Variants in ZSWIM3 observed in about 807,000 individuals in gnomAD.
ZSWIM3 encodes zinc finger SWIM-type containing 3, also known as zinc finger SWIM domain-containing protein 3.
In ZSWIM3, 27 loss-of-function variants were observed where a neutral mutation model predicts 47.5. The ratio of observed to expected loss-of-function variants is 0.57; its 90% CI spans 0.42 to 0.78. The LOEUF (loss-of-function observed/expected upper bound fraction) is 0.78. Ranked by LOEUF, ZSWIM3 falls within the 30% of genes least tolerant of loss-of-function variation. The pLI, the probability that ZSWIM3 is intolerant of heterozygous loss-of-function variation, is 0.00. For missense variants in ZSWIM3, 689 were observed against 861.3 expected (o/e 0.80, Z 2.50); for synonymous variants, 333 against 333.9 (o/e 1.00, Z 0.03).
In ZSWIM3 at chr20:45,878,576, G is replaced by C; in HGVS notation, c.2018G>C (p.Arg673Pro). The C allele has an allele frequency of 1.9e-6, 3 of 1,613,990 alleles. No homozygotes were observed. Among genetic ancestry groups the C allele is most frequent in the Non-Finnish European group, 2.5e-6 (3 of 1,179,984 alleles). The change falls in exon 2 of 2, where the codon CGC becomes CCC. Residue 673 changes from arginine to proline, a missense_variant. Arg to Pro is a moderately radical substitution (Grantham distance 103). Coordinates refer to ENST00000255152, the MANE Select transcript of ZSWIM3 (RefSeq NM_080752.4). ...CCAGGAGACTTTAAGGACGTGGGCC[G>C]CCTCCCTTTCCTCTGGGGAAAGCAA... ...QQPGDFKDVG[R>P]LPFLWGKQEE...
intron 1 of ZSWIM3, among the ~76,000 whole-genome samples, chr20:45,866,663 G>A (rs1026506263): frequency 2.6e-5 from 4 of 152,152 alleles, no homozygotes; most frequent in African/African-American, 4.8e-5. Flanking sequence ...TTAACTGGTC[G>A]TGGTGACATG....
rs1348181453 is a variant in ZSWIM3 at position 45,876,662 on chromosome 20, A to G, written c.156-52A>G. Reference sequence around the variant, plus strand: ...CCCCCTTCAGGGTCTTATCTTTATAAGGGGTGGGGGGTGGTCAGCACCTTT... The same window carrying G: ...CCCCCTTCAGGGTCTTATCTTTATAGGGGGTGGGGGGTGGTCAGCACCTTT... On this transcript the variant is annotated intron_variant, in intron 1 of 1. Transcript: ENST00000255152. The G allele has an allele frequency of 3.3e-5, 52 of 1,561,498 alleles. 1 individual carries two copies. In the Admixed American group the frequency reaches 8.3e-4, roughly 25 times the overall value.
intron 1 of ZSWIM3, among the ~76,000 whole-genome samples, chr20:45,871,210 T>C (rs1400291): frequency 0.017 from 2,551 of 152,284 alleles, 73 homozygotes; most frequent in African/African-American, 0.058. Flanking sequence ...CCCTTCAAGA[T>C]GGGGACATGG....
At chr20:45,858,665 GC>G (rs1364834981) in intron 1 of ZSWIM3, among the ~76,000 whole-genome samples, 1 of 152,196 alleles carries the variant, frequency 6.6e-6, no homozygotes, top group Non-Finnish European at 1.5e-5. Context: ...GAGCCACTAT[GC>G]CTGGTCTATT....
chr20:45,862,619 G>A (rs1985737614), intron 1 of ZSWIM3, among the ~76,000 whole-genome samples: 1 of 152,074 alleles, frequency 6.6e-6, no homozygotes, highest in Admixed American at 6.6e-5. Context: ...AGCCTCCCAA[G>A]GAGCTGAGAC....
intron 1 of ZSWIM3, among the ~76,000 whole-genome samples, chr20:45,862,183 C>T (rs1218216461): frequency 6.8e-6 from 1 of 147,704 alleles, no homozygotes; most frequent in African/African-American, 2.5e-5. Context: ...GAGTTTCGCT[C>T]TGTCGCCAGG....
chr20:45,866,061 T>G (rs1036473823), intron 1 of ZSWIM3, among the ~76,000 whole-genome samples: 1 of 151,466 alleles, frequency 6.6e-6, no homozygotes. Context: ...TCCCAGCACT[T>G]GGGAGGCCAA....
At chr20:45,867,090 T>C (rs1394858359) in intron 1 of ZSWIM3, among the ~76,000 whole-genome samples, 2 of 141,158 alleles carry the variant, frequency 1.4e-5, no homozygotes, top group Non-Finnish European at 3.0e-5. Context: ...CACTGCAACC[T>C]CCGCCTTCCG....
chr20:45,862,184 T>C (rs1021153423), intron 1 of ZSWIM3, among the ~76,000 whole-genome samples: 107 of 150,950 alleles, frequency 7.1e-4, no homozygotes, highest in African/African-American at 2.6e-3. Context: ...AGTTTCGCTC[T>C]GTCGCCAGGC....
At position 45,857,638 on chromosome 20, in the gene ZSWIM3, C is replaced by T. The variant is rs1183447538; in HGVS notation, c.-188C>T. 2 of 722,016 alleles carry T rather than the reference C, an allele frequency of 2.8e-6. No homozygotes were observed. The highest frequency in any genetic ancestry group is 1.8e-5 in the South Asian group (1 of 56,608). The allele number at this position is 722,016 out of a possible 1,614,324, so 44.7% of individuals were successfully genotyped here. A position where few individuals can be genotyped will look rare whatever the true frequency, so the allele number is the denominator to read the frequency against. On this transcript the variant is annotated 5_prime_UTR_variant, in exon 1 of 2. Coordinates refer to ENST00000255152, the MANE Select transcript of ZSWIM3 (RefSeq NM_080752.4). ...TGTCAGATAGCAAATACACCCCCTTCCTCTTGTAACCCGGTCAGGCCTAGG... is the reference window on the plus strand; with the variant it reads ...TGTCAGATAGCAAATACACCCCCTTTCTCTTGTAACCCGGTCAGGCCTAGG...
At chr20:45,872,537 C>T (rs1328592316) in intron 1 of ZSWIM3, 5 of 182,638 alleles carry the variant, frequency 2.7e-5, no homozygotes, top group African/African-American at 9.5e-5. Flanking sequence ...AATGGGTGCA[C>T]GTAGTCCTGA....
intron 1 of ZSWIM3, among the ~76,000 whole-genome samples, chr20:45,869,316 C>A (rs1027407761): frequency 6.6e-6 from 1 of 151,252 alleles, no homozygotes; most frequent in Admixed American, 6.6e-5. Flanking sequence ...GCCCGGAGTT[C>A]AAAACCAGCC....
Position 45,877,028 on chromosome 20 carries a change from T to C in ZSWIM3, c.470T>C (p.Val157Ala), listed in dbSNP as rs1986113651. 4 of 1,614,028 alleles carry C rather than the reference T, an allele frequency of 2.5e-6. No individual in the cohort carries two copies. Among genetic ancestry groups the C allele is most frequent in the Non-Finnish European group, 3.4e-6 (4 of 1,180,036 alleles). The change falls in exon 2 of 2, where the codon GTG becomes GCG. Residue 157 changes from valine to alanine, a missense_variant. Coordinates refer to ENST00000255152, the MANE Select transcript of ZSWIM3 (RefSeq NM_080752.4). ...TCGTTTTGCCTAGATAAGGTACAAG[T>C]GTCCTCAAAGCCAGAGCAGGAAGGC... ...EPSFCLDKVQ[V>A]SSKPEQEGIT...
In ZSWIM3 at chr20:45,877,467, C is replaced by G. The variant is rs1030265728; in HGVS notation, c.909C>G (p.Ile303Met). 1 of 1,614,082 alleles carries G rather than the reference C, an allele frequency of 6.2e-7. No individual in the cohort carries two copies. The highest frequency in any genetic ancestry group is 1.3e-5 in the African/African-American group (1 of 74,926). The change falls in exon 2 of 2, where the codon ATC becomes ATG. Residue 303 changes from isoleucine to methionine, a missense_variant. By Grantham distance (10) the Ile-to-Met change is conservative. Transcript: ENST00000255152. ...ILQEIFPAARILLSIYHTTRL... is the reference protein window; with the variant it reads ...ILQEIFPAARMLLSIYHTTRL... Reference sequence around the variant, plus strand: ...AGGAGATCTTTCCTGCTGCCCGCATCCTCCTTTCCATCTACCACACAACCC... The same window carrying G: ...AGGAGATCTTTCCTGCTGCCCGCATGCTCCTTTCCATCTACCACACAACCC...
Position 45,867,001 on chromosome 20 carries a change from A to ATTTTTTT in ZSWIM3, c.155+9021_155+9022insTTTTTTT, listed in dbSNP as rs143983594. ...AAAAATAAAATCAGATCAAGTTAGA[A>ATTTTTTT]ATTTTTTTTTTTTTTTTTTTTTGAG... On this transcript the variant is annotated intron_variant, in intron 1 of 1. Transcript: ENST00000255152. Among the ~76,000 whole-genome samples the ATTTTTTT allele has an allele frequency of 7.6e-5, 10 of 131,250 alleles. 1 individual carries two copies. Among genetic ancestry groups the ATTTTTTT allele is most frequent in the Non-Finnish European group, 9.6e-5 (6 of 62,456 alleles). The allele number at this position is 131,250 out of a possible 152,430, so 86.1% of individuals were successfully genotyped here.
Position 45,877,467 on chromosome 20 carries a change from C to T in ZSWIM3, c.909C>T (p.Ile303=). The change falls in exon 2 of 2, where the codon ATC becomes ATT. Residue 303 remains isoleucine (I), a synonymous_variant. Coordinates refer to ENST00000255152, the MANE Select transcript of ZSWIM3 (RefSeq NM_080752.4). ...ILQEIFPAAR[I]LLSIYHTTRL... ...AGGAGATCTTTCCTGCTGCCCGCAT[C>T]CTCCTTTCCATCTACCACACAACCC... is the stretch of plus-strand genomic sequence containing the variant. 1 of 1,614,200 alleles carries T rather than the reference C, an allele frequency of 6.2e-7. No individual in the cohort carries two copies. The highest frequency in any genetic ancestry group is 8.5e-7 in the Non-Finnish European group (1 of 1,180,040).
chr20:45,871,479 G>T (rs1050419637), intron 1 of ZSWIM3, among the ~76,000 whole-genome samples: 2 of 152,162 alleles, frequency 1.3e-5, no homozygotes, highest in African/African-American at 4.8e-5. Context: ...AGATCACTGG[G>T]ATAGAATTTT....
intron 1 of ZSWIM3, among the ~76,000 whole-genome samples, chr20:45,864,753 C>G (rs1985794096): frequency 6.6e-6 from 1 of 152,106 alleles, no homozygotes; most frequent in Non-Finnish European, 1.5e-5. Context: ...CCCAGCTACT[C>G]AGGGGGCTGA....
At chr20:45,859,172 A>C (rs1167407287) in intron 1 of ZSWIM3, among the ~76,000 whole-genome samples, 1 of 152,196 alleles carries the variant, frequency 6.6e-6, no homozygotes, top group Non-Finnish European at 1.5e-5. Flanking sequence ...AATCAGTTCA[A>C]ATTTTAACTC....
Sources: allele counts gnomAD v4.1 joint callset (sites outside exome capture counted in the v4.1 genomes callset), GRCh38; gene constraint gnomAD v4.1.1; transcripts MANE v1.5; gene names NCBI Gene and HGNC (gene_info 2026-07-23, HGNC 2026-07-21).